Variants in GRIP1 observed in about 807,000 individuals in gnomAD.
GRIP1 encodes glutamate receptor-interacting protein 1.
Under a neutral mutation model 129.9 loss-of-function variants are expected in GRIP1, and 45 were observed. That is an observed-to-expected ratio of 0.35 (90% CI 0.27 to 0.44). GRIP1 has a LOEUF of 0.44. Ranked by LOEUF, GRIP1 falls within the 20% of genes least tolerant of loss-of-function variation. The pLI is 1.00. For missense variants in GRIP1, 1,196 were observed against 1,396.8 expected, an observed-to-expected ratio of 0.86 and a Z score of 2.29; for synonymous variants, 530 against 520.8, an observed-to-expected ratio of 1.02 and a Z score of -0.24.
chr12:66,419,656 T>G (rs1055013272), intron 15 of GRIP1, among the ~76,000 whole-genome samples: 16 of 152,374 alleles, frequency 1.1e-4, no homozygotes, highest in African/African-American at 3.8e-4. Flanking sequence ...TAGCCCTGGA[T>G]TGCCTGCCTA....
At chr12:66,458,636 C>T (rs1005419710) in intron 9 of GRIP1, among the ~76,000 whole-genome samples, 8 of 152,152 alleles carry the variant, frequency 5.3e-5, no homozygotes, top group East Asian at 1.9e-4. Flanking sequence ...CCGCCTGCCT[C>T]GGCCTCCCAA....
chr12:66,351,655 A>C (rs2137068523), intron 24 of GRIP1, among the ~76,000 whole-genome samples: 1 of 150,098 alleles, frequency 6.7e-6, no homozygotes, highest in East Asian at 2.0e-4. Flanking sequence ...CAGTTTTAAT[A>C]ATGTAAATTC....
intron 1 of GRIP1, among the ~76,000 whole-genome samples, chr12:66,625,250 A>C (rs894505378): frequency 3.3e-5 from 5 of 152,164 alleles, no homozygotes; most frequent in Non-Finnish European, 5.9e-5. Context: ...CTCGCATCTT[A>C]TCATTTACAT....
intron 2 of GRIP1, among the ~76,000 whole-genome samples, chr12:66,555,791 C>A (rs531117603): frequency 6.6e-6 from 1 of 151,942 alleles, no homozygotes; most frequent in Non-Finnish European, 1.5e-5. Flanking sequence ...AAAGAATGCA[C>A]CACAGTCTGT....
chr12:66,368,387 A>G (rs2055275165), intron 23 of GRIP1, among the ~76,000 whole-genome samples: 1 of 152,190 alleles, frequency 6.6e-6, no homozygotes, highest in African/African-American at 2.4e-5. Flanking sequence ...TCCTGCATAC[A>G]GCCTAACCAT....
intron 1 of GRIP1, among the ~76,000 whole-genome samples, chr12:66,966,086 A>G (rs768364217): frequency 6.6e-6 from 1 of 152,192 alleles, no homozygotes; most frequent in Admixed American, 6.6e-5. Flanking sequence ...TATATGGACT[A>G]TATAAGATTC....
At chr12:66,753,465 C>G (rs1432858207) in intron 1 of GRIP1, among the ~76,000 whole-genome samples, 1 of 152,208 alleles carries the variant, frequency 6.6e-6, no homozygotes, top group African/African-American at 2.4e-5. Context: ...CACTGCTGAC[C>G]TGCTTTGAGC....
At chr12:66,705,327 A>T (rs1201194620) in intron 1 of GRIP1, among the ~76,000 whole-genome samples, 1 of 152,142 alleles carries the variant, frequency 6.6e-6, no homozygotes, top group Non-Finnish European at 1.5e-5. Context: ...AGAATAAAAT[A>T]CCTAGGAATA....
intron 1 of GRIP1, among the ~76,000 whole-genome samples, chr12:67,051,241 C>T (rs2043341188): frequency 6.6e-6 from 1 of 152,030 alleles, no homozygotes; most frequent in Non-Finnish European, 1.5e-5. Context: ...TGGACTACAA[C>T]CTGTGGGATG....
At chr12:66,577,687 C>T (rs1034046185) in intron 2 of GRIP1, among the ~76,000 whole-genome samples, 43 of 152,210 alleles carry the variant, frequency 2.8e-4, no homozygotes, top group African/African-American at 8.4e-4. Context: ...CAGTGGCTCA[C>T]GCCTGTAATT....
intron 7 of GRIP1, among the ~76,000 whole-genome samples, chr12:66,486,570 G>A (rs916564427): frequency 6.6e-6 from 1 of 152,016 alleles, no homozygotes; most frequent in Non-Finnish European, 1.5e-5. Flanking sequence ...AGGGGTTTCC[G>A]CTTTTGTGTC....
chr12:66,902,968 C>G (rs2040866976), intron 1 of GRIP1, among the ~76,000 whole-genome samples: 1 of 152,022 alleles, frequency 6.6e-6, no homozygotes, highest in Non-Finnish European at 1.5e-5. Context: ...TTTTTCAGAC[C>G]ATGGAGTTCT....
chr12:66,734,080 T>C (rs1365140904), intron 1 of GRIP1, among the ~76,000 whole-genome samples: 3 of 152,142 alleles, frequency 2.0e-5, no homozygotes, highest in Non-Finnish European at 4.4e-5. Context: ...GTTGCTTGCT[T>C]TGTAAATCCT....
chr12:66,590,636 A>C (rs1486635740), intron 2 of GRIP1, among the ~76,000 whole-genome samples: 1 of 152,144 alleles, frequency 6.6e-6, no homozygotes, highest in Non-Finnish European at 1.5e-5. Context: ...TTATCTTGTC[A>C]ATTTTATTAT....
At chr12:66,564,500 C>T (rs978780182) in intron 2 of GRIP1, among the ~76,000 whole-genome samples, 3 of 152,046 alleles carry the variant, frequency 2.0e-5, no homozygotes, top group Non-Finnish European at 2.9e-5. Context: ...TATATATGTG[C>T]CACATTTTCT....
chr12:66,685,424 A>G (rs1358490969), intron 1 of GRIP1, among the ~76,000 whole-genome samples: 1 of 152,188 alleles, frequency 6.6e-6, no homozygotes, highest in Non-Finnish European at 1.5e-5. Context: ...TTGACCAACA[A>G]TTTGCAGATA....
At chr12:66,543,573 T>C (rs7310768) in intron 2 of GRIP1, among the ~76,000 whole-genome samples, 7,202 of 152,166 alleles carry the variant, frequency 0.047, 553 homozygotes, top group African/African-American at 0.16. Flanking sequence ...AGAAATCTCA[T>C]GAAAACATAC....
chr12:66,474,441 A>G (rs1005965510), intron 7 of GRIP1, among the ~76,000 whole-genome samples: 1 of 152,168 alleles, frequency 6.6e-6, no homozygotes, highest in Non-Finnish European at 1.5e-5. Context: ...CAACCTAGCA[A>G]GGCAGGCCAA....
At chr12:66,616,568 G>A (rs1309782451) in intron 1 of GRIP1, among the ~76,000 whole-genome samples, 1 of 152,078 alleles carries the variant, frequency 6.6e-6, no homozygotes, top group Admixed American at 6.6e-5. Context: ...CAGGCCTTAT[G>A]TATCTCTTTG....
Sources: gnomAD v4.1 joint callset for allele counts (sites outside exome capture counted in the v4.1 genomes callset) on GRCh38, gnomAD v4.1.1 for gene constraint, MANE v1.5 for transcripts, NCBI Gene and HGNC (gene_info 2026-07-23, HGNC 2026-07-21) for gene names.